The following HHAT variants were observed in gnomAD, a reference collection of about 807,000 sequenced individuals.
HHAT encodes the protein hedgehog acyltransferase.
Under a neutral mutation model 70.8 loss-of-function variants are expected in HHAT, and 47 were observed. The observed-to-expected ratio is 0.66, with a 90% CI of 0.53 to 0.85. HHAT has a LOEUF of 0.85. Among genes scored for constraint, HHAT ranks in the 40% least tolerant of loss-of-function variants. HHAT has a pLI of 0.00. For synonymous variants in HHAT, 228 were observed against 247.6 expected (o/e 0.92, Z 0.74); for missense variants, 609 against 604.8 (o/e 1.01, Z -0.07).
chr1:210,354,396 G>T (rs1179536080), intron 2 of HHAT, among the ~76,000 whole-genome samples: 2 of 151,690 alleles, frequency 1.3e-5, no homozygotes, highest in African/African-American at 2.4e-5. Flanking sequence ...GTAAAGACAG[G>T]GTTTCTCCAT....
intron 8 of HHAT, among the ~76,000 whole-genome samples, chr1:210,470,133 CTG>C (rs2094177763): frequency 1.3e-5 from 2 of 152,190 alleles, no homozygotes; most frequent in Non-Finnish European, 2.9e-5. Context: ...GCATGAGACA[CTG>C]TGCCCAGACC....
chr1:210,377,654 C>T (rs923247801), intron 3 of HHAT, among the ~76,000 whole-genome samples: 3 of 152,176 alleles, frequency 2.0e-5, no homozygotes, highest in African/African-American at 4.8e-5. Flanking sequence ...GCTGAAGATA[C>T]GCAAAATAAC....
At chr1:210,527,698 AT>A (rs1347414715) in intron 9 of HHAT, among the ~76,000 whole-genome samples, 1 of 152,150 alleles carries the variant, frequency 6.6e-6, no homozygotes, top group African/African-American at 2.4e-5. Context: ...TTCTACTGCA[AT>A]TTCCTTTGAG....
intron 8 of HHAT, among the ~76,000 whole-genome samples, chr1:210,474,759 G>A (rs1169593798): frequency 6.6e-6 from 1 of 151,906 alleles, no homozygotes; most frequent in Non-Finnish European, 1.5e-5. Flanking sequence ...GGAGGGAAAT[G>A]TGGTGAACTT....
chr1:210,577,666 G>GTTTTTTTTTTTT (rs80242108), intron 9 of HHAT, among the ~76,000 whole-genome samples: 1 of 17,172 alleles, frequency 5.8e-5, no homozygotes, highest in Non-Finnish European at 1.1e-4. Context: ...TTTTTTTTTC[G>GTTTTTTTTTTTT]AAATGGAGTC....
At chr1:210,631,514 T>A (rs544781425) in intron 11 of HHAT, among the ~76,000 whole-genome samples, 20 of 152,376 alleles carry the variant, frequency 1.3e-4, no homozygotes, top group African/African-American at 4.1e-4. Context: ...TTAGATTTAC[T>A]CTGACATTGC....
At chr1:210,498,519 G>T (rs1232870273) in intron 8 of HHAT, among the ~76,000 whole-genome samples, 1 of 152,134 alleles carries the variant, frequency 6.6e-6, no homozygotes, top group Non-Finnish European at 1.5e-5. Context: ...GCCCCTTTAT[G>T]TTCTCACCTG....
At chr1:210,631,644 T>G (rs1049635020) in intron 11 of HHAT, among the ~76,000 whole-genome samples, 6 of 152,218 alleles carry the variant, frequency 3.9e-5, no homozygotes, top group African/African-American at 1.4e-4. Flanking sequence ...GAAACAGAAT[T>G]ATCTCAGGGT....
intron 11 of HHAT, among the ~76,000 whole-genome samples, chr1:210,638,722 C>CAAA (rs71146238): frequency 0.024 from 2,306 of 95,166 alleles, 46 homozygotes; most frequent in Middle Eastern, 0.034. Context: ...CCTGTATTTA[C>CAAA]AAAAAAAAAA....
At chr1:210,414,884 G>A (rs2092674056) in intron 6 of HHAT, among the ~76,000 whole-genome samples, 1 of 151,968 alleles carries the variant, frequency 6.6e-6, no homozygotes, top group Admixed American at 6.6e-5. Context: ...CAGGTGTGGT[G>A]GTACATGCCT....
chr1:210,430,031 G>A (rs914155894), intron 7 of HHAT, among the ~76,000 whole-genome samples: 4 of 151,814 alleles, frequency 2.6e-5, no homozygotes, highest in South Asian at 2.1e-4. Context: ...ATGTGTAATC[G>A]TTCCTCTTTA....
At chr1:210,646,763 T>C (rs948752245) in intron 11 of HHAT, among the ~76,000 whole-genome samples, 4 of 152,182 alleles carry the variant, frequency 2.6e-5, no homozygotes, top group African/African-American at 9.7e-5. Context: ...AACTATGGAG[T>C]ATAAAAATGA....
At chr1:210,478,493 A>C (rs905086151) in intron 8 of HHAT, among the ~76,000 whole-genome samples, 4 of 152,032 alleles carry the variant, frequency 2.6e-5, no homozygotes, top group African/African-American at 9.7e-5. Context: ...ATGGTGAAAT[A>C]GGAAGGTGAG....
intron 7 of HHAT, among the ~76,000 whole-genome samples, chr1:210,437,253 A>G (rs1354222310): frequency 6.6e-6 from 1 of 151,946 alleles, no homozygotes; most frequent in Non-Finnish European, 1.5e-5. Flanking sequence ...TGAATCCCAT[A>G]GCCCATCGTC....
At chr1:210,419,180 TAGG>T (rs926323689) in intron 7 of HHAT, among the ~76,000 whole-genome samples, 13 of 152,100 alleles carry the variant, frequency 8.5e-5, no homozygotes, top group African/African-American at 3.1e-4. Flanking sequence ...TGTGGAATAA[TAGG>T]AGGATATTAG....
intron 3 of HHAT, among the ~76,000 whole-genome samples, chr1:210,368,853 G>A (rs1302236060): frequency 6.6e-6 from 1 of 152,036 alleles, no homozygotes; most frequent in Admixed American, 6.6e-5. Context: ...CGAGGTGGGC[G>A]GATCACCTGA....
At chr1:210,509,758 C>T (rs1339453190) in intron 8 of HHAT, among the ~76,000 whole-genome samples, 2 of 152,204 alleles carry the variant, frequency 1.3e-5, no homozygotes, top group Admixed American at 1.3e-4. Flanking sequence ...CTCCACTAAC[C>T]TCGCCTGCCT....
At chr1:210,510,885 C>A (rs1366349361) in intron 8 of HHAT, among the ~76,000 whole-genome samples, 1 of 152,330 alleles carries the variant, frequency 6.6e-6, no homozygotes. Context: ...TCCATGTCTG[C>A]TTTGTCCTGT....
rs573102941 is a variant in HHAT at position 210,651,069 on chromosome 1, T to C, written c.1391-23219T>C. ...CAGCTCAGAATGGAGCCTGGAGTAA[T>C]TGTGACTCTGATCACAGGAGAAAGA... On this transcript the variant is annotated intron_variant, in intron 11 of 11. Coordinates refer to ENST00000261458, the MANE Select transcript of HHAT (RefSeq NM_018194.6). Among the ~76,000 whole-genome samples the C allele has an allele frequency of 6.6e-5, 10 of 152,300 alleles. No individual in the cohort carries two copies. The East Asian group carries it at 1.7e-3, about 26-fold the overall frequency.
Sources: gnomAD v4.1 joint callset for allele counts (sites outside exome capture counted in the v4.1 genomes callset) on GRCh38, gnomAD v4.1.1 for gene constraint, MANE v1.5 for transcripts, NCBI Gene and HGNC (gene_info 2026-07-23, HGNC 2026-07-21) for gene names.